SLC15A5: variants seen among roughly 807,000 people sequenced by gnomAD.
SLC15A5 encodes the protein solute carrier family 15 member 5.
SLC15A5 carries 58 observed loss-of-function variants against 56.1 expected under a neutral mutation model. That is an observed-to-expected ratio of 1.03 (90% CI 0.84 to 1.29). SLC15A5 has a LOEUF of 1.29. SLC15A5 is among the 50% of genes most tolerant of loss of function. The pLI is 0.00. For missense variants in SLC15A5, 681 were observed against 672.1 expected (o/e 1.01, Z -0.15); for synonymous variants, 264 against 250.5 (o/e 1.05, Z -0.51).
chr12:16,215,994 T>C (rs1864127192), intron 7 of SLC15A5, among the ~76,000 whole-genome samples: 1 of 152,244 alleles, frequency 6.6e-6, no homozygotes, highest in African/African-American at 2.4e-5. Context: ...TTAAAAGGAG[T>C]GTCTCATTCA....
chr12:16,211,306 A>G (rs1338984155), intron 7 of SLC15A5, among the ~76,000 whole-genome samples: 2 of 152,214 alleles, frequency 1.3e-5, no homozygotes, highest in African/African-American at 2.4e-5. Context: ...ATTCGTGCCG[A>G]CATAACTGTC....
chr12:16,196,030 T>C lies in SLC15A5; in HGVS notation c.1484-1577A>G, dbSNP rs1451348274. ...TATTATTTTGTCAAAAGAACTGGGT[T>C]GTAAAGGTAATCCTGATTATGCTAT... On this transcript the variant is annotated intron_variant, in intron 7 of 8. Transcript: ENST00000344941. The surrounding 1 kb of genome is among the most constrained non-coding windows in gnomAD (Gnocchi z 4.0). 6.6e-6 allele frequency among the ~76,000 whole-genome samples: 1 copy of C among 152,106 alleles called. No homozygotes were observed. Among genetic ancestry groups the C allele is most frequent in the Non-Finnish European group, 1.5e-5 (1 of 67,998 alleles).
At chr12:16,249,718 T>C (rs959359009) in intron 3 of SLC15A5, among the ~76,000 whole-genome samples, 7 of 152,032 alleles carry the variant, frequency 4.6e-5, no homozygotes, top group African/African-American at 1.7e-4. Context: ...AAATAGTAGA[T>C]TAAGAAGCAA....
At chr12:16,218,431 A>C (rs1012963653) in intron 6 of SLC15A5, among the ~76,000 whole-genome samples, 1 of 152,152 alleles carries the variant, frequency 6.6e-6, no homozygotes, top group Non-Finnish European at 1.5e-5. Flanking sequence ...AATGAGGGAG[A>C]TATGTCCAGA....
At chr12:16,266,594 T>C (rs1021361532) in intron 2 of SLC15A5, among the ~76,000 whole-genome samples, 5 of 152,206 alleles carry the variant, frequency 3.3e-5, no homozygotes, top group African/African-American at 4.8e-5. Context: ...ATATATGTCT[T>C]TGTTGATCCA....
At chr12:16,264,383 C>T (rs773184052) in intron 2 of SLC15A5, among the ~76,000 whole-genome samples, 1 of 152,328 alleles carries the variant, frequency 6.6e-6, no homozygotes, top group South Asian at 2.1e-4. Flanking sequence ...CCTGTACCCC[C>T]ATTATATCTA....
At chr12:16,204,292 C>T (rs1308714982) in intron 7 of SLC15A5, among the ~76,000 whole-genome samples, 1 of 151,690 alleles carries the variant, frequency 6.6e-6, no homozygotes, top group Non-Finnish European at 1.5e-5. Flanking sequence ...CCTGTCTCTA[C>T]TAAAAAATAC....
intron 5 of SLC15A5, among the ~76,000 whole-genome samples, chr12:16,232,181 A>AAAGAATAAT (rs1639984120): frequency 6.6e-6 from 1 of 152,244 alleles, no homozygotes; most frequent in African/African-American, 2.4e-5. Context: ...AGCTATGAAA[A>AAAGAATAAT]AAGAATAATA....
intron 5 of SLC15A5, 60 bp downstream of exon 5, chr12:16,239,621 C>G: frequency 6.8e-7 from 1 of 1,467,828 alleles, no homozygotes; most frequent in Non-Finnish European, 9.1e-7. Flanking sequence ...CGGATCTTAG[C>G]AGAATGTTGT....
chr12:16,212,527 C>T lies in SLC15A5; in HGVS notation c.1483+4366G>A, dbSNP rs200142826. Reference sequence around the variant, plus strand: ...GAGACTTATCCTATTTCCAGAAAAACGTGAAAAGTCTCCTGTGATGTCATT... The same window carrying T: ...GAGACTTATCCTATTTCCAGAAAAATGTGAAAAGTCTCCTGTGATGTCATT... On this transcript the variant is annotated intron_variant, in intron 7 of 8. Transcript: ENST00000344941. Among the ~76,000 whole-genome samples the T allele has an allele frequency of 2.5e-3, 378 of 152,290 alleles. 3 individuals are homozygous for T. The highest frequency in any genetic ancestry group is 7.6e-3 in the African/African-American group (317 of 41,580).
intron 7 of SLC15A5, among the ~76,000 whole-genome samples, chr12:16,212,420 T>G (rs908215031): frequency 9.2e-5 from 14 of 152,136 alleles, no homozygotes; most frequent in Non-Finnish European, 2.1e-4. Context: ...CAGTATAGGA[T>G]TACTATAACC....
Position 16,235,604 on chromosome 12 carries a change from C to T in SLC15A5, c.1162+4077G>A, listed in dbSNP as rs542568053. On this transcript the variant is annotated intron_variant, in intron 5 of 8. Coordinates refer to ENST00000344941, the MANE Select transcript of SLC15A5 (RefSeq NM_001170798.1). This position sits in a 1 kb window ranked among gnomAD's most constrained non-coding sequence, Gnocchi z 4.1. ...TGCTTATATCAAACAAATGTGCAAC[C>T]GAATGAATGACTTATTCAGGCTAGA... is the stretch of plus-strand genomic sequence containing the variant. 1.3e-5 allele frequency among the ~76,000 whole-genome samples: 2 copies of T among 152,056 alleles called. No individual in the cohort carries two copies. Among genetic ancestry groups the T allele is most frequent in the South Asian group, 2.1e-4 (1 of 4,820 alleles).
intron 4 of SLC15A5, among the ~76,000 whole-genome samples, chr12:16,242,127 C>T (rs1408230501): frequency 6.6e-6 from 1 of 152,116 alleles, no homozygotes; most frequent in African/African-American, 2.4e-5. Context: ...TGTCTTGCAA[C>T]TGAAGGTCAA....
chr12:16,258,515 A>G (rs1329614222), intron 2 of SLC15A5, among the ~76,000 whole-genome samples: 3 of 152,222 alleles, frequency 2.0e-5, no homozygotes, highest in Non-Finnish European at 4.4e-5. Context: ...AAATCTTGCC[A>G]TTAGAATCCC....
At chr12:16,214,811 A>G (rs1300963494) in intron 7 of SLC15A5, among the ~76,000 whole-genome samples, 1 of 152,094 alleles carries the variant, frequency 6.6e-6, no homozygotes, top group Admixed American at 6.6e-5. Context: ...GCAAATTATC[A>G]TACCTGAGGG....
chr12:16,216,423 C>A (rs188173026), intron 7 of SLC15A5, among the ~76,000 whole-genome samples: 4 of 152,258 alleles, frequency 2.6e-5, no homozygotes, highest in Non-Finnish European at 5.9e-5. Flanking sequence ...TGACCAAAAT[C>A]TCTACTGGGA....
rs76257503 is a variant in SLC15A5 at position 16,262,670 on chromosome 12, A to T, written c.585-4800T>A. Among the ~76,000 whole-genome samples, 197 of 152,360 alleles carry T rather than the reference A, an allele frequency of 1.3e-3. 6 individuals carry two copies. In the East Asian group the frequency reaches 0.027, roughly 21 times the overall value. On this transcript the variant is annotated intron_variant, in intron 2 of 8. Transcript: ENST00000344941. ...TGATATGGTTTAGTTCTCTGTCCCC[A>T]TCCAAATCTCAACTTGTAGCTCTCA...
At chr12:16,224,695 A>G in intron 5 of SLC15A5, 93 bp from the exon 6 acceptor site, 1 of 1,220,952 alleles carries the variant, frequency 8.2e-7, no homozygotes, top group African/African-American at 1.5e-5. Flanking sequence ...TTGACATTAG[A>G]TGTTTCTTTT....
At chr12:16,253,507 G>C (rs1162233745) in intron 3 of SLC15A5, among the ~76,000 whole-genome samples, 1 of 152,060 alleles carries the variant, frequency 6.6e-6, no homozygotes, top group Non-Finnish European at 1.5e-5. Context: ...CTTCAAAGAA[G>C]ATTTACAGAT....
Sources: gnomAD v4.1 joint callset for allele counts (sites outside exome capture counted in the v4.1 genomes callset) on GRCh38, gnomAD v4.1.1 for gene constraint, Gnocchi (gnomAD v3.1) non-coding constraint, MANE v1.5 for transcripts, NCBI Gene and HGNC (gene_info 2026-07-23, HGNC 2026-07-21) for gene names.